STAG2: variants seen among roughly 807,000 people sequenced by gnomAD.
STAG2 encodes the protein cohesin subunit SA-2.
A neutral mutation model predicts 108.1 loss-of-function variants in STAG2; 14 were observed. The observed-to-expected ratio is 0.13, with a 90% CI of 0.09 to 0.20. The LOEUF (loss-of-function observed/expected upper bound fraction) is 0.20, where lower values mean the gene tolerates loss of function less well. Among genes scored for constraint, STAG2 ranks in the 10% least tolerant of loss-of-function variants. The probability of loss-of-function intolerance (pLI) is 1.00; values close to 1 mark genes in which losing one functional copy is unlikely to be tolerated. For synonymous variants in STAG2, 307 were observed against 302.7 expected (o/e 1.01, Z -0.15); for missense variants, 440 against 940.9 (o/e 0.47, Z 6.96).
At chrX:123,970,481 C>T (rs2054306790) in intron 1 of STAG2, among the ~76,000 whole-genome samples, 1 of 111,442 alleles carries the variant, frequency 9.0e-6, no homozygotes, top group East Asian at 2.8e-4. Context: ...TATTAAGGGA[C>T]TTGGTTTGGC....
At position 124,029,948 on chromosome X, in the gene STAG2, A is replaced by G. The variant is rs760662519; in HGVS notation, c.124-1013A>G. Reference sequence around the variant, plus strand: ...GGGAACCTTTTCACTGATTTTTTTGATGCCCCTACCCGCGCGTCCCCACCC... The same window carrying G: ...GGGAACCTTTTCACTGATTTTTTTGGTGCCCCTACCCGCGCGTCCCCACCC... On this transcript the variant is annotated intron_variant, in intron 4 of 34. Coordinates refer to ENST00000371145, the MANE Select transcript of STAG2 (RefSeq NM_001042750.2). 2.7e-5 allele frequency among the ~76,000 whole-genome samples: 3 copies of G among 110,733 alleles called. No homozygotes were observed. The Admixed American group carries it at 2.9e-4, about 11-fold the overall frequency.
In STAG2 at chrX:124,100,714, T is replaced by G; in HGVS notation, c.*117T>G. 3 of 546,243 alleles carry G rather than the reference T, an allele frequency of 5.5e-6. No individual in the cohort carries two copies. Among genetic ancestry groups the G allele is most frequent in the Non-Finnish European group, 8.8e-6 (3 of 340,325 alleles). The allele number at this position is 546,243 out of a possible 1,213,427, so 45.0% of individuals were successfully genotyped here. A position where few individuals can be genotyped will look rare whatever the true frequency, so the allele number is the denominator to read the frequency against. ...ATTTTTCTCTAAGGAGAATATGACATGCTTATGCTTACCAAGATCAAGTGC... is the reference window on the plus strand; with the variant it reads ...ATTTTTCTCTAAGGAGAATATGACAGGCTTATGCTTACCAAGATCAAGTGC... On this transcript the variant is annotated 3_prime_UTR_variant, in exon 35 of 35. Transcript: ENST00000371145.
At chrX:124,002,812 C>CTT (rs111999061) in intron 1 of STAG2, among the ~76,000 whole-genome samples, 39 of 92,924 alleles carry the variant, frequency 4.2e-4, no homozygotes, top group South Asian at 9.9e-4. Context: ...TTCTTTCTTT[C>CTT]TTTTTTTTTT....
chrX:123,995,300 G>A (rs892137580), intron 1 of STAG2, among the ~76,000 whole-genome samples: 4 of 112,098 alleles, frequency 3.6e-5, no homozygotes, highest in Non-Finnish European at 3.8e-5. Flanking sequence ...CAACGAATCC[G>A]TTTTAGCAGG....
At chrX:124,086,867 A>G (rs1178910966) in intron 30 of STAG2, 97 bp downstream of exon 30, 6 of 678,589 alleles carry the variant, frequency 8.8e-6, no homozygotes, top group Middle Eastern at 5.0e-4. Context: ...GATGTGTTCA[A>G]TAATAGCTTA....
intron 1 of STAG2, among the ~76,000 whole-genome samples, chrX:123,966,285 A>C (rs2054091139): frequency 9.1e-6 from 1 of 109,351 alleles, no homozygotes; most frequent in African/African-American, 3.3e-5. Flanking sequence ...ACATGGTGAA[A>C]CCCCCATCTC....
intron 1 of STAG2, among the ~76,000 whole-genome samples, chrX:123,994,611 A>G (rs1337088578): frequency 8.9e-6 from 1 of 112,065 alleles, no homozygotes; most frequent in African/African-American, 3.2e-5. Context: ...AGGGGTTTCT[A>G]TGTGATAGTT....
chrX:124,027,404 A>G (rs1418334002), intron 4 of STAG2, among the ~76,000 whole-genome samples: 1 of 112,380 alleles, frequency 8.9e-6, no homozygotes, highest in African/African-American at 3.2e-5. Flanking sequence ...ACTTACGGCT[A>G]TCCAAAGATA....
chrX:124,092,946 G>A (rs770043479), intron 32 of STAG2, among the ~76,000 whole-genome samples: 3 of 111,642 alleles, frequency 2.7e-5, no homozygotes, highest in Non-Finnish European at 5.6e-5. Flanking sequence ...ATCAGAGATC[G>A]TATCTTGTTA....
intron 32 of STAG2, among the ~76,000 whole-genome samples, chrX:124,093,546 A>C (rs1223851018): frequency 9.7e-6 from 1 of 103,548 alleles, no homozygotes; most frequent in Non-Finnish European, 2.0e-5. Flanking sequence ...TGTGTGAGTG[A>C]GTGCGCGCAT....
intron 1 of STAG2, among the ~76,000 whole-genome samples, chrX:123,969,952 G>GTTTT (rs749744551): frequency 3.3e-4 from 13 of 39,162 alleles, no homozygotes; most frequent in African/African-American, 8.6e-4. Flanking sequence ...CGGTCTTCCT[G>GTTTT]TTTTTTTTTT....
chrX:124,023,322 T>A (rs1021945255), intron 3 of STAG2, among the ~76,000 whole-genome samples: 1 of 111,395 alleles, frequency 9.0e-6, no homozygotes, highest in Non-Finnish European at 1.9e-5. Flanking sequence ...CACCACTGTA[T>A]TTTTTATTAG....
At chrX:124,028,453 ATTGT>A (rs1359695177) in intron 4 of STAG2, among the ~76,000 whole-genome samples, 2 of 111,293 alleles carry the variant, frequency 1.8e-5, no homozygotes, top group African/African-American at 3.3e-5. Flanking sequence ...AAACTTTTGA[ATTGT>A]TTATTTCTAG....
intron 16 of STAG2, 105 bp downstream of exon 16, chrX:124,061,446 A>T: frequency 1.7e-6 from 1 of 594,122 alleles, no homozygotes; most frequent in South Asian, 3.1e-5. Flanking sequence ...TTGATAGAAA[A>T]ATCTTACTTC....
chrX:124,029,083 C>T (rs1170096903), intron 4 of STAG2, among the ~76,000 whole-genome samples: 1 of 105,598 alleles, frequency 9.5e-6, no homozygotes, highest in Non-Finnish European at 1.9e-5. Context: ...GTGGCGCAGT[C>T]TTGGCTCACT....
At chrX:123,975,146 A>AT (rs999880761) in intron 1 of STAG2, among the ~76,000 whole-genome samples, 1 of 112,091 alleles carries the variant, frequency 8.9e-6, no homozygotes, top group African/African-American at 3.2e-5. Flanking sequence ...AAATAGAGGC[A>AT]TTTTTTGTAG....
chrX:123,977,182 C>G (rs368101), intron 1 of STAG2, among the ~76,000 whole-genome samples: 2 of 112,025 alleles, frequency 1.8e-5, no homozygotes, highest in Non-Finnish European at 1.9e-5. Context: ...TTACACTGTA[C>G]TGATGATAAA....
chrX:124,064,690 C>T (rs1470359503), intron 20 of STAG2, among the ~76,000 whole-genome samples: 1 of 111,090 alleles, frequency 9.0e-6, no homozygotes, highest in Non-Finnish European at 1.9e-5. Flanking sequence ...GTGATCCACT[C>T]ACCTCGGCCT....
At chrX:123,977,352 A>C (rs1262197840) in intron 1 of STAG2, among the ~76,000 whole-genome samples, 7 of 112,244 alleles carry the variant, frequency 6.2e-5, no homozygotes, top group Admixed American at 9.5e-5. Context: ...TAATAAGAAT[A>C]ATCTGTTCAG....
Sources: gnomAD v4.1 joint callset for allele counts (sites outside exome capture counted in the v4.1 genomes callset) on GRCh38, gnomAD v4.1.1 for gene constraint, MANE v1.5 for transcripts, NCBI Gene and HGNC (gene_info 2026-07-23, HGNC 2026-07-21) for gene names.